The following LAMB3 variants were observed in gnomAD, a reference collection of about 807,000 sequenced individuals.
LAMB3 encodes laminin subunit beta 3, also known as laminin subunit beta-3.
A neutral mutation model predicts 140.3 loss-of-function variants in LAMB3; 104 were observed. That is an observed-to-expected ratio of 0.74 (90% CI 0.63 to 0.87). The LOEUF is 0.87. Ranked by LOEUF, LAMB3 falls within the 40% of genes least tolerant of loss-of-function variation. LAMB3 has a pLI of 0.00. For missense variants in LAMB3, 1,531 were observed against 1,575.2 expected, an observed-to-expected ratio of 0.97 and a Z score of 0.47; for synonymous variants, 592 against 602.9, an observed-to-expected ratio of 0.98 and a Z score of 0.26.
rs746547281 is a variant in LAMB3 at position 209,629,730 on chromosome 1, T to C, written c.1132+7A>G. 4.8e-5 allele frequency: 78 copies of C among 1,613,704 alleles called. 1 individual carries two copies. The South Asian group carries it at 8.0e-4, about 17-fold the overall frequency. On this transcript the variant is annotated splice_region_variant and intron_variant, in intron 10 of 22. Coordinates refer to ENST00000356082, the MANE Select transcript of LAMB3 (RefSeq NM_000228.3). Reference sequence around the variant, plus strand: ...TGACACTCTGGGACTCCGGAGCCTCTACTCACAGATGCAGGTCTCCTGAAT... The same window carrying C: ...TGACACTCTGGGACTCCGGAGCCTCCACTCACAGATGCAGGTCTCCTGAAT...
intron 21 of LAMB3, among the ~76,000 whole-genome samples, chr1:209,617,025 C>A (rs906453602): frequency 1.3e-5 from 2 of 152,238 alleles, no homozygotes; most frequent in Non-Finnish European, 2.9e-5. Context: ...TCTCTCTCAT[C>A]TAATTCTGAC....
chr1:209,650,155 A>G, intron 2 of LAMB3, 37 bp from the exon 3 acceptor site: 2 of 1,594,754 alleles, frequency 1.3e-6, no homozygotes, highest in Non-Finnish European at 1.7e-6. Flanking sequence ...GCAGTCCAGA[A>G]AAAAAGGGAC....
chr1:209,648,561 A>C (rs573361351), intron 3 of LAMB3, among the ~76,000 whole-genome samples: 12 of 152,350 alleles, frequency 7.9e-5, no homozygotes, highest in Non-Finnish European at 1.8e-4. Context: ...TCAAGGGGCT[A>C]CTTAGGAGCA....
At chr1:209,621,020 T>C (rs1321710369) in intron 18 of LAMB3, among the ~76,000 whole-genome samples, 1 of 152,144 alleles carries the variant, frequency 6.6e-6, no homozygotes, top group Non-Finnish European at 1.5e-5. Context: ...AGGCCCTGCT[T>C]TTTCTCTCTG....
chr1:209,634,896 C>T (rs1393024724), intron 5 of LAMB3, among the ~76,000 whole-genome samples: 2 of 151,244 alleles, frequency 1.3e-5, no homozygotes, highest in East Asian at 2.0e-4. Context: ...TCCTACACTT[C>T]GCACAGTTGA....
chr1:209,634,523 C>A lies in LAMB3; in HGVS notation c.488G>T (p.Gly163Val), dbSNP rs1360085540. ...CTSTFPRVRQGRPQSWQDVRC... is the reference protein window; with the variant it reads ...CTSTFPRVRQVRPQSWQDVRC... ...AACATCCTGCCAGCTCTGAGGCCGACCCTGGCGGACCCGAGGGAAGGTGGA... is the reference window on the plus strand; with the variant it reads ...AACATCCTGCCAGCTCTGAGGCCGAACCTGGCGGACCCGAGGGAAGGTGGA... The change falls in exon 6 of 23, where the codon GGT (glycine) becomes GTT (valine). Residue 163 changes from glycine to valine, a missense_variant. Transcript: ENST00000356082. 1 of 1,614,124 alleles carries A rather than the reference C, an allele frequency of 6.2e-7. No individual in the cohort carries two copies. Among genetic ancestry groups the A allele is most frequent in the East Asian group, 2.2e-5 (1 of 44,858 alleles).
chr1:209,650,441 C>T (rs2102466876), intron 2 of LAMB3, among the ~76,000 whole-genome samples: 1 of 152,330 alleles, frequency 6.6e-6, no homozygotes, highest in South Asian at 2.1e-4. Flanking sequence ...CAGCTCTTTC[C>T]ACCTGCATTG....
Position 209,623,333 on chromosome 1 carries a change from G to T in LAMB3, c.2359-154C>A. 9.7e-7 allele frequency: 1 copy of T among 1,031,960 alleles called. No individual in the cohort carries two copies. The highest frequency in any genetic ancestry group is 1.5e-6 in the Non-Finnish European group (1 of 671,552). The allele number at this position is 1,031,960 out of a possible 1,614,324, so 63.9% of individuals were successfully genotyped here. A position where few individuals can be genotyped will look rare whatever the true frequency, so the allele number is the denominator to read the frequency against. ...CATGAGAGCTAAGGACCAGAAACTGGTTTCCTTGGCAACCACTGAGCTCAC... is the reference window on the plus strand; with the variant it reads ...CATGAGAGCTAAGGACCAGAAACTGTTTTCCTTGGCAACCACTGAGCTCAC... On this transcript the variant is annotated intron_variant, in intron 16 of 22. Transcript: ENST00000356082. This position sits in a 1 kb window ranked among gnomAD's most constrained non-coding sequence, Gnocchi z 4.2.
At position 209,632,591 on chromosome 1, in the gene LAMB3, C is replaced by T. The variant is rs371543476; in HGVS notation, c.814G>A (p.Ala272Thr). 6.8e-6 allele frequency: 11 copies of T among 1,613,814 alleles called. No homozygotes were observed. The highest frequency in any genetic ancestry group is 3.3e-5 in the South Asian group (3 of 91,074). The change falls in exon 8 of 23, where the codon GCT becomes ACT. Residue 272 changes from alanine (A) to threonine (T), a missense_variant. By Grantham distance (58) the Ala-to-Thr change is moderately conservative. Transcript: ENST00000356082. The part of the protein sequence containing the change: ...KPGASAGPST[A>T]VQVHDVCVCQ... ...CCACCCTAGGCTGTTACCTGCACAG[C>T]GGTGGAGGGGCCTGCAGAGGCCCCA...
chr1:209,649,043 G>C (rs2102464473), intron 3 of LAMB3, among the ~76,000 whole-genome samples: 1 of 152,124 alleles, frequency 6.6e-6, no homozygotes, highest in Admixed American at 6.5e-5. Flanking sequence ...TCTCTGCTCA[G>C]CAACTCCAGT....
chr1:209,629,898 G>A lies in LAMB3; in HGVS notation c.971C>T (p.Thr324Ile), dbSNP rs756925528. Residue 324 changes from threonine (T) to isoleucine (I), a missense_variant, in exon 10 of 23, where the codon ACA becomes ATA. Coordinates refer to ENST00000356082, the MANE Select transcript of LAMB3 (RefSeq NM_000228.3). The part of the protein sequence containing the change: ...QRCDCNGHSE[T>I]CHFDPAVFAA... Reference sequence around the variant, plus strand: ...AAACACAGCGGGGTCAAAGTGACATGTCTCTGAGTGCCCATTGCAGTCGCA... The same window carrying A: ...AAACACAGCGGGGTCAAAGTGACATATCTCTGAGTGCCCATTGCAGTCGCA... 1 of 1,614,182 alleles carries A rather than the reference G, an allele frequency of 6.2e-7. No homozygotes were observed. Among genetic ancestry groups the A allele is most frequent in the South Asian group, 1.1e-5 (1 of 91,078 alleles).
At chr1:209,643,756 G>A (rs2076491499) in intron 3 of LAMB3, among the ~76,000 whole-genome samples, 1 of 151,156 alleles carries the variant, frequency 6.6e-6, no homozygotes, top group African/African-American at 2.4e-5. Flanking sequence ...GGCTGTCTGA[G>A]TTCATCTAAG....
chr1:209,647,389 G>T (rs928965736), intron 3 of LAMB3, among the ~76,000 whole-genome samples: 20 of 152,360 alleles, frequency 1.3e-4, no homozygotes, highest in Admixed American at 1.2e-3. Flanking sequence ...CCCTCTGTTA[G>T]TCGGCTGGAA....
At chr1:209,628,524 C>T (rs896311249) in intron 10 of LAMB3, among the ~76,000 whole-genome samples, 1 of 151,960 alleles carries the variant, frequency 6.6e-6, no homozygotes, top group Non-Finnish European at 1.5e-5. Context: ...ATGGTGAAAC[C>T]CTGTCTCTAC....
In LAMB3 at chr1:209,628,116, C is replaced by A; in HGVS notation, c.1207G>T (p.Glu403Ter). 1 of 1,594,652 alleles carries A rather than the reference C, an allele frequency of 6.3e-7. No individual in the cohort carries two copies. The highest frequency in any genetic ancestry group is 8.5e-7 in the Non-Finnish European group (1 of 1,169,922). The stretch of plus-strand genomic sequence containing the variant: ...TCACAGCGCTCTCCCTGCACATGCT[C>A]CTTGCACACACACTGCCCGGTCACT... The part of the protein sequence containing the change: ...DPVTGQCVCK[E>*]HVQGERCDLC... Residue 403 changes from glutamate (E) to a stop codon, truncating the protein, a stop_gained, in exon 11 of 23, where the codon GAG becomes TAG. Coordinates refer to ENST00000356082, the MANE Select transcript of LAMB3 (RefSeq NM_000228.3). LOFTEE classifies it high-confidence loss of function.
At chr1:209,632,205 G>A (rs1666716520) in intron 8 of LAMB3, among the ~76,000 whole-genome samples, 2 of 152,112 alleles carry the variant, frequency 1.3e-5, no homozygotes, top group African/African-American at 4.8e-5. Context: ...CAGTACATTC[G>A]AGTCACCTGG....
chr1:209,616,418 G>C, intron 22 of LAMB3, 53 bp downstream of exon 22: 1 of 1,603,054 alleles, frequency 6.2e-7, no homozygotes, highest in South Asian at 1.1e-5. Flanking sequence ...GGGTTGGGTG[G>C]GACCAGCCTT....
chr1:209,632,692 T>G lies in LAMB3; in HGVS notation c.713A>C (p.Tyr238Ser). The change falls in exon 8 of 23, where the codon TAC becomes TCC. Residue 238 changes from tyrosine (Y) to serine (S), a missense_variant. Coordinates refer to ENST00000356082, the MANE Select transcript of LAMB3 (RefSeq NM_000228.3). ...CAGACGGAGCTGGGACACAGCATAG[T>G]AGGCGCTGGGAGGGTGGTAGCCCCT... ...PQRGYHPPSA[Y>S]YAVSQLRLQG... 6.2e-7 allele frequency: 1 copy of G among 1,614,174 alleles called. No homozygotes were observed. The highest frequency in any genetic ancestry group is 1.3e-5 in the African/African-American group (1 of 75,050).
At chr1:209,616,684 G>T in intron 21 of LAMB3, 60 bp from the exon 22 acceptor site, 1 of 1,546,634 alleles carries the variant, frequency 6.5e-7, no homozygotes. Context: ...AAAGACCTGT[G>T]GCCAAAGCAC....
Sources: gnomAD v4.1 joint callset for allele counts (sites outside exome capture counted in the v4.1 genomes callset) on GRCh38, gnomAD v4.1.1 for gene constraint, Gnocchi (gnomAD v3.1) non-coding constraint, MANE v1.5 for transcripts, NCBI Gene and HGNC (gene_info 2026-07-23, HGNC 2026-07-21) for gene names.